Variants in MPND observed in about 807,000 individuals in gnomAD.
The protein encoded by MPND is MPN domain-containing protein.
A neutral mutation model predicts 59.2 loss-of-function variants in MPND; 56 were observed. That is an observed-to-expected ratio of 0.95 (90% CI 0.76 to 1.18). The LOEUF (loss-of-function observed/expected upper bound fraction) is 1.18. Among genes scored for constraint, MPND ranks in the 50% most tolerant of loss-of-function variants. MPND has a pLI of 0.00. For missense variants in MPND, 671 were observed against 676.0 expected (o/e 0.99, Z 0.08); for synonymous variants, 323 against 291.9 (o/e 1.11, Z -1.09).
intron 10 of MPND, 69 bp downstream of exon 10, chr19:4,357,654 G>A: frequency 5.5e-6 from 8 of 1,467,848 alleles, no homozygotes; most frequent in South Asian, 5.0e-5. Flanking sequence ...CGACTAGGCA[G>A]GGGCCCCTGG....
At chr19:4,352,845 G>GA in intron 3 of MPND, 52 bp from the exon 4 acceptor site, 3 of 1,312,940 alleles carry the variant, frequency 2.3e-6, no homozygotes, top group Non-Finnish European at 2.9e-6. Flanking sequence ...AGGGAGCGGG[G>GA]GGGCACCCAG....
chr19:4,358,204 C>A (rs1288256604), intron 11 of MPND, 32 bp downstream of exon 11: 2 of 1,530,462 alleles, frequency 1.3e-6, no homozygotes, highest in Admixed American at 2.0e-5. Context: ...CAGGCAGGGG[C>A]TGGCAGTGCG....
At position 4,345,992 on chromosome 19, in the gene MPND, C is replaced by T; in HGVS notation, c.531+11C>T. The T allele has an allele frequency of 6.2e-7, 1 of 1,604,402 alleles. No individual in the cohort carries two copies. The highest frequency in any genetic ancestry group is 8.5e-7 in the Non-Finnish European group (1 of 1,175,346). On this transcript the variant is annotated intron_variant, in intron 3 of 12. Transcript: ENST00000599840. Reference sequence around the variant, plus strand: ...ACGGCTGCTGATGAGGTACGTGCTGCAGCCTCCTCCAGGAAGCCGCCCAGG... The same window carrying T: ...ACGGCTGCTGATGAGGTACGTGCTGTAGCCTCCTCCAGGAAGCCGCCCAGG...
In MPND at chr19:4,359,258, G is replaced by T. The variant is rs564038440; in HGVS notation, c.1419+3G>T. The T allele has an allele frequency of 1.9e-6, 3 of 1,612,064 alleles. No individual in the cohort carries two copies. The highest frequency in any genetic ancestry group is 3.3e-5 in the Admixed American group (2 of 59,986). On this transcript the variant is annotated splice_donor_region_variant and intron_variant, in intron 12 of 12. Transcript: ENST00000599840. The stretch of plus-strand genomic sequence containing the variant: ...ACACCTACCTCGACAAGCTTAAGGT[G>T]AGCCCCAAGTCCCCGCAGACCTCCT...
At position 4,359,949 on chromosome 19, in the gene MPND, A is replaced by C. The variant is rs1207311695; in HGVS notation, c.1453A>C (p.Ser485Arg). 5 of 1,575,380 alleles carry C rather than the reference A, an allele frequency of 3.2e-6. No homozygotes were observed. The Admixed American group carries it at 7.2e-5, about 23-fold the overall frequency. ...SLASRTPKDQ[S>R]LCHVLEQVCG... ...GGCCAGCAGGACGCCCAAGGACCAG[A>C]GCCTGTGTCACGTCCTGGAACAGGT... Residue 485 changes from serine to arginine, a missense_variant, in exon 13 of 13, where the codon AGC (serine) becomes CGC (arginine). Physicochemically the swap from Ser to Arg is moderately radical, Grantham distance 110 (BLOSUM62 -1). Coordinates refer to ENST00000599840, the MANE Select transcript of MPND (RefSeq NM_001300862.2).
rs980692136 is a variant in MPND, at chr19:4,354,977, A to C, written c.875A>C (p.Glu292Ala). 1 of 1,540,706 alleles carries C rather than the reference A, an allele frequency of 6.5e-7. No homozygotes were observed. The highest frequency in any genetic ancestry group is 1.9e-5 in the Admixed American group (1 of 52,740). The change falls in exon 7 of 13, where the codon GAG (glutamate) becomes GCG (alanine). Residue 292 changes from glutamate (E) to alanine (A), a missense_variant. Coordinates refer to ENST00000599840, the MANE Select transcript of MPND (RefSeq NM_001300862.2). ...LDFHSHLTRS[E>A]VVGYLGGRWD... The stretch of plus-strand genomic sequence containing the variant: ...TTCCACAGTCACCTGACACGGAGTG[A>C]GGTCGTGGGTTACCTGGGGGGCCGC...
At chr19:4,352,612 A>C (rs909993400) in intron 3 of MPND, among the ~76,000 whole-genome samples, 3 of 152,222 alleles carry the variant, frequency 2.0e-5, no homozygotes, top group Non-Finnish European at 2.9e-5. Flanking sequence ...TGAACCCAGG[A>C]GGCAGAAGTT....
Position 4,343,984 on chromosome 19 carries a change from T to TCTA in MPND, c.289_291dup (p.Tyr97dup). 1 of 1,367,326 alleles carries TCTA rather than the reference T, an allele frequency of 7.3e-7. No individual in the cohort carries two copies. Among genetic ancestry groups the TCTA allele is most frequent in the Non-Finnish European group, 9.4e-7 (1 of 1,060,296 alleles). 84.7% of individuals were successfully genotyped at this position (1,367,326 alleles called of 1,614,324 possible). ...GAGCCTGGCGCCGGGGTGCTGTCCA[T>TCTA]CTACTACCTGGTGAGCACCCCGCCT... On this transcript the variant is annotated inframe_insertion, in exon 2 of 13. Coordinates refer to ENST00000599840, the MANE Select transcript of MPND (RefSeq NM_001300862.2).
At chr19:4,358,011 CTGCCAAT>C (rs1972482960) in intron 10 of MPND, 65 bp from the exon 11 acceptor site, 1 of 1,313,894 alleles carries the variant, frequency 7.6e-7, no homozygotes, top group Non-Finnish European at 1.1e-6. Context: ...AGCCCGGGCA[CTGCCAAT>C]TGTCCCCAGC....
Position 4,345,529 on chromosome 19 carries a change from G to A in MPND, c.295-216G>A, listed in dbSNP as rs1288298714. Among the ~76,000 whole-genome samples the A allele has an allele frequency of 2.6e-5, 4 of 152,202 alleles. No individual in the cohort carries two copies. The East Asian group carries it at 5.8e-4, about 22-fold the overall frequency. On this transcript the variant is annotated intron_variant, in intron 2 of 12. Coordinates refer to ENST00000599840, the MANE Select transcript of MPND (RefSeq NM_001300862.2). Reference sequence around the variant, plus strand: ...TAGGGGTTTCTTGGTCATGGTGGGCGGGGTGCAGATATCTGCCAGGCAGCT... The same window carrying A: ...TAGGGGTTTCTTGGTCATGGTGGGCAGGGTGCAGATATCTGCCAGGCAGCT...
intron 3 of MPND, among the ~76,000 whole-genome samples, chr19:4,352,614 G>A (rs1972343729): frequency 6.6e-6 from 1 of 152,190 alleles, no homozygotes; most frequent in Non-Finnish European, 1.5e-5. Flanking sequence ...AACCCAGGAG[G>A]CAGAAGTTGC....
intron 11 of MPND, among the ~76,000 whole-genome samples, chr19:4,358,776 G>A (rs1366111467): frequency 6.6e-6 from 1 of 152,176 alleles, no homozygotes. Flanking sequence ...CACAGAGTGA[G>A]ACCCTACCTC....
chr19:4,354,310 C>A lies in MPND; in HGVS notation c.750-14C>A. 6.4e-7 allele frequency: 1 copy of A among 1,552,984 alleles called. No homozygotes were observed. The highest frequency in any genetic ancestry group is 8.7e-7 in the Non-Finnish European group (1 of 1,147,034). On this transcript the variant is annotated splice_polypyrimidine_tract_variant and intron_variant, in intron 5 of 12. Coordinates refer to ENST00000599840, the MANE Select transcript of MPND (RefSeq NM_001300862.2). ...GGGATTCCTGAGACTGTGCGACCCT[C>A]CTGGCCCCTACAGGAACCCCCACAC...
intron 4 of MPND, among the ~76,000 whole-genome samples, chr19:4,353,278 A>T (rs1419770075): frequency 6.6e-6 from 1 of 151,872 alleles, no homozygotes; most frequent in Non-Finnish European, 1.5e-5. Context: ...ATATTTATTT[A>T]TTTTTTGGTG....
intron 10 of MPND, 90 bp from the exon 11 acceptor site, chr19:4,357,993 C>T: frequency 9.2e-7 from 1 of 1,085,866 alleles, no homozygotes; most frequent in Non-Finnish European, 1.4e-6. Flanking sequence ...GTGCACTCTC[C>T]CGTTCCCAGC....
At chr19:4,348,290 T>C (rs1179472527) in intron 3 of MPND, 3 of 135,626 alleles carry the variant, frequency 2.2e-5, no homozygotes, top group Admixed American at 7.9e-5. Context: ...AGACGGAGTC[T>C]CGCTCTGTCG....
Position 4,358,135 on chromosome 19 carries a change from A to G in MPND, c.1289A>G (p.Gln430Arg), listed in dbSNP as rs1376375666. 14 of 1,551,386 alleles carry G rather than the reference A, an allele frequency of 9.0e-6. No homozygotes were observed. The highest frequency in any genetic ancestry group is 1.2e-5 in the Non-Finnish European group (14 of 1,146,990). ...IPMDVEMAYVQDSFLTNDILH... is the reference protein window; with the variant it reads ...IPMDVEMAYVRDSFLTNDILH... ...ATGGATGTGGAGATGGCCTACGTCC[A>G]GGACAGCTTCCTGACCAATGACATC... Residue 430 changes from glutamine (Q) to arginine (R), a missense_variant, in exon 11 of 13, where the codon CAG becomes CGG. Transcript: ENST00000599840.
intron 3 of MPND, chr19:4,348,663 C>CT (rs909165208): frequency 0.011 from 1,474 of 136,388 alleles, 17 homozygotes; most frequent in African/African-American, 0.035. Context: ...CTGTTGAATT[C>CT]TTTTTTTTTT....
intron 3 of MPND, among the ~76,000 whole-genome samples, chr19:4,350,426 G>A (rs1408610618): frequency 1.3e-5 from 2 of 152,176 alleles, no homozygotes; most frequent in Admixed American, 1.3e-4. Context: ...GGCGTTCTCT[G>A]GTGGCTGCTG....
Sources: allele counts gnomAD v4.1 joint callset (sites outside exome capture counted in the v4.1 genomes callset), GRCh38; gene constraint gnomAD v4.1.1; transcripts MANE v1.5; gene names NCBI Gene and HGNC (gene_info 2026-07-23, HGNC 2026-07-21).